THSD4: variants seen among roughly 807,000 people sequenced by gnomAD.
The protein encoded by THSD4 is thrombospondin type-1 domain-containing protein 4.
In THSD4, 69 loss-of-function variants were observed where a neutral mutation model predicts 119.0. The ratio of observed to expected loss-of-function variants is 0.58; its 90% confidence interval spans 0.48 to 0.71. The LOEUF is 0.71. THSD4 is among the 30% of genes least tolerant of loss of function. The pLI is 0.00. For missense variants in THSD4, 1,393 were observed against 1,391.1 expected (o/e 1.00, Z -0.02); for synonymous variants, 524 against 540.4 (o/e 0.97, Z 0.42).
At chr15:71,401,442 T>C (rs1475720234) in intron 6 of THSD4, among the ~76,000 whole-genome samples, 4 of 152,218 alleles carry the variant, frequency 2.6e-5, no homozygotes, top group Non-Finnish European at 1.5e-5. Context: ...TAGAGTCAAA[T>C]AGTTCTAAAA....
Position 71,215,402 on chromosome 15 carries a change from A to G in THSD4, c.464+3A>G, listed in dbSNP as rs946553261. 98 of 1,525,012 alleles carry G rather than the reference A, an allele frequency of 6.4e-5. 1 individual carries two copies. The highest frequency in any genetic ancestry group is 8.3e-5 in the Non-Finnish European group (95 of 1,141,438). The allele number at this position is 1,525,012 out of a possible 1,614,324, so 94.5% of individuals were successfully genotyped here. ...CTCGAAGTCACTGGGGACAGAAGGT[A>G]CACGCCCGCCCTTGTCTGTGCCGCT... On this transcript the variant is annotated splice_donor_region_variant and intron_variant, in intron 4 of 17. Transcript: ENST00000261862.
At chr15:71,687,004 A>G (rs184174609) in intron 8 of THSD4, among the ~76,000 whole-genome samples, 1 of 152,306 alleles carries the variant, frequency 6.6e-6, no homozygotes, top group Admixed American at 6.5e-5. Context: ...GGAGAGTTCT[A>G]CCAGCACGCA....
intron 6 of THSD4, among the ~76,000 whole-genome samples, chr15:71,379,495 A>C (rs967078549): frequency 9.3e-6 from 1 of 108,006 alleles, no homozygotes; most frequent in Non-Finnish European, 1.7e-5. Context: ...GTCTTGCTCT[A>C]TCGCCCAGGC....
intron 7 of THSD4, among the ~76,000 whole-genome samples, chr15:71,573,675 C>T (rs1052639526): frequency 7.9e-5 from 12 of 152,188 alleles, no homozygotes; most frequent in African/African-American, 2.9e-4. Context: ...AATCTAATTT[C>T]CCTTCTACAA....
intron 8 of THSD4, among the ~76,000 whole-genome samples, chr15:71,666,570 A>G (rs990430906): frequency 7.9e-5 from 12 of 152,186 alleles, no homozygotes; most frequent in African/African-American, 2.4e-4. Context: ...GATCTTTAAC[A>G]CTGGACATTA....
chr15:71,138,568 G>A (rs1289104360), intron 1 of THSD4, among the ~76,000 whole-genome samples: 1 of 152,046 alleles, frequency 6.6e-6, no homozygotes, highest in Non-Finnish European at 1.5e-5. Flanking sequence ...TAGACAGTCA[G>A]CTCTTCCCAC....
chr15:71,339,298 T>C (rs1285548662), intron 6 of THSD4, among the ~76,000 whole-genome samples: 3 of 152,126 alleles, frequency 2.0e-5, no homozygotes, highest in Admixed American at 1.3e-4. Context: ...TTTTATTGAT[T>C]TTTTTAATCC....
At chr15:71,673,591 A>G (rs879505904) in intron 8 of THSD4, among the ~76,000 whole-genome samples, 3 of 152,130 alleles carry the variant, frequency 2.0e-5, no homozygotes, top group Non-Finnish European at 2.9e-5. Context: ...TAGGGTGTCA[A>G]TTTTAGATCT....
At chr15:71,376,463 C>A (rs769780415) in intron 6 of THSD4, among the ~76,000 whole-genome samples, 13 of 152,210 alleles carry the variant, frequency 8.5e-5, no homozygotes, top group Non-Finnish European at 1.8e-4. Context: ...TGCCCTGTCA[C>A]TGTTTGGCCA....
At chr15:71,688,716 T>TGTGC (rs1282432538) in intron 8 of THSD4, among the ~76,000 whole-genome samples, 1 of 149,970 alleles carries the variant, frequency 6.7e-6, no homozygotes, top group African/African-American at 2.5e-5. Flanking sequence ...TCTGTGTGTG[T>TGTGC]GTGTGTGTGT....
At chr15:71,466,674 G>T (rs941652466) in intron 7 of THSD4, among the ~76,000 whole-genome samples, 1 of 152,166 alleles carries the variant, frequency 6.6e-6, no homozygotes, top group African/African-American at 2.4e-5. Context: ...GCTTGGTAAT[G>T]ACCCTCCCTG....
At chr15:71,678,904 A>G (rs960275476) in intron 8 of THSD4, among the ~76,000 whole-genome samples, 8 of 152,090 alleles carry the variant, frequency 5.3e-5, no homozygotes, top group Admixed American at 1.3e-4. Context: ...AGTCACGCCT[A>G]TATTTGTTAT....
chr15:71,381,198 C>T (rs1267658323), intron 6 of THSD4, among the ~76,000 whole-genome samples: 1 of 152,112 alleles, frequency 6.6e-6, no homozygotes, highest in Non-Finnish European at 1.5e-5. Context: ...TCAGGAAGGG[C>T]CCCAGGGCCT....
intron 3 of THSD4, chr15:71,186,803 A>G (rs559023323): frequency 6.6e-6 from 1 of 152,346 alleles, no homozygotes; most frequent in South Asian, 2.1e-4. Flanking sequence ...TGATATTTCC[A>G]ATGAAAGCCT....
At chr15:71,199,916 GGT>G (rs148622409) in intron 3 of THSD4, among the ~76,000 whole-genome samples, 10,631 of 115,898 alleles carry the variant, frequency 0.092, 1,113 homozygotes, top group African/African-American at 0.25. Flanking sequence ...GCATGTGTGG[GGT>G]GTGTGTGTGT....
intron 3 of THSD4, among the ~76,000 whole-genome samples, chr15:71,181,302 T>C (rs1426959435): frequency 6.6e-6 from 1 of 152,236 alleles, no homozygotes; most frequent in African/African-American, 2.4e-5. Flanking sequence ...ATTTCAGTGT[T>C]CACTAATTTG....
rs982893264 is a variant in THSD4, at chr15:71,417,506, A to G, written c.1152+5683A>G. The stretch of plus-strand genomic sequence containing the variant: ...TTTTGAGGAGACTGTCCTTTTTCCA[A>G]TGTATGCTCTTGACCCCTTTAATGA... On this transcript the variant is annotated intron_variant, in intron 7 of 17. Coordinates refer to ENST00000261862, the MANE Select transcript of THSD4 (RefSeq NM_024817.3). 3.7e-5 allele frequency among the ~76,000 whole-genome samples: 4 copies of G among 107,190 alleles called. 1 individual carries two copies. The highest frequency in any genetic ancestry group is 6.1e-5 in the Non-Finnish European group (3 of 48,926). The allele number at this position is 107,190 out of a possible 152,430, so 70.3% of individuals were successfully genotyped here. A position where few individuals can be genotyped will look rare whatever the true frequency, so the allele number is the denominator to read the frequency against.
At chr15:71,215,436 C>G in intron 4 of THSD4, 37 bp downstream of exon 4, 2 of 1,481,800 alleles carry the variant, frequency 1.3e-6, no homozygotes, top group Non-Finnish European at 1.8e-6. Flanking sequence ...CTCCCCGTCC[C>G]TGTCCCAGTA....
chr15:71,344,567 C>CT (rs1396712183), intron 6 of THSD4, among the ~76,000 whole-genome samples: 1 of 152,152 alleles, frequency 6.6e-6, no homozygotes, highest in Non-Finnish European at 1.5e-5. Flanking sequence ...ACCTCACATC[C>CT]TTTATCCTTT....
Sources: allele counts gnomAD v4.1 joint callset (sites outside exome capture counted in the v4.1 genomes callset), GRCh38; gene constraint gnomAD v4.1.1; transcripts MANE v1.5; gene names NCBI Gene and HGNC (gene_info 2026-07-23, HGNC 2026-07-21).